Variants in DCAF7 observed in about 807,000 individuals in gnomAD.
DCAF7 encodes the protein DDB1 and CUL4 associated factor 7.
Under a neutral mutation model 41.2 loss-of-function variants are expected in DCAF7, and 4 were observed. The observed-to-expected ratio is 0.10, with a 90% CI of 0.05 to 0.22. The LOEUF (loss-of-function observed/expected upper bound fraction) is 0.22. DCAF7 is among the 10% of genes least tolerant of loss of function. DCAF7 has a pLI of 1.00. For missense variants in DCAF7, 131 were observed against 443.2 expected (o/e 0.30, Z 6.32); for synonymous variants, 143 against 164.2 (o/e 0.87, Z 0.99).
At chr17:63,580,525 T>TA in intron 4 of DCAF7, among the ~76,000 whole-genome samples, 1 of 143,138 alleles carries the variant, frequency 7.0e-6, no homozygotes, top group South Asian at 2.2e-4. Flanking sequence ...TTTTTTTTTT[T>TA]TTTTTTTTTT....
At chr17:63,582,224 A>G (rs947943065) in intron 4 of DCAF7, among the ~76,000 whole-genome samples, 1 of 152,104 alleles carries the variant, frequency 6.6e-6, no homozygotes, top group African/African-American at 2.4e-5. Context: ...AGACAAGCAT[A>G]ATTTCTTCAT....
At chr17:63,573,713 A>G (rs1363380055) in intron 1 of DCAF7, among the ~76,000 whole-genome samples, 2 of 151,542 alleles carry the variant, frequency 1.3e-5, no homozygotes, top group South Asian at 4.2e-4. Context: ...CTGGGTGACA[A>G]GAGTGAAAAT....
At chr17:63,556,146 T>G (rs2033308439) in intron 1 of DCAF7, among the ~76,000 whole-genome samples, 1 of 152,268 alleles carries the variant, frequency 6.6e-6, no homozygotes, top group South Asian at 2.1e-4. Context: ...TTTGTTTTAT[T>G]AACAATTGTG....
chr17:63,581,794 C>T (rs1295308623), intron 4 of DCAF7, among the ~76,000 whole-genome samples: 4 of 152,216 alleles, frequency 2.6e-5, no homozygotes, highest in Non-Finnish European at 5.9e-5. Context: ...GTAATAGCAC[C>T]TTTCTAGCAC....
chr17:63,578,766 T>C lies in DCAF7; in HGVS notation c.297+138T>C. 6 of 1,217,936 alleles carry C rather than the reference T, an allele frequency of 4.9e-6. No individual in the cohort carries two copies. In the South Asian group the frequency reaches 5.7e-5, roughly 12 times the overall value. 75.4% of individuals were successfully genotyped at this position (1,217,936 alleles called of 1,614,324 possible). A position where few individuals can be genotyped will look rare whatever the true frequency, so the allele number is the denominator to read the frequency against. ...ACAGGAGAAGCAAGCGAAGCTTAAA[T>C]GGACTGGCCTCGTTTGGCTCAGCAG... is the stretch of plus-strand genomic sequence containing the variant. On this transcript the variant is annotated intron_variant, in intron 2 of 6. Coordinates refer to ENST00000614556, the MANE Select transcript of DCAF7 (RefSeq NM_005828.5).
intron 1 of DCAF7, among the ~76,000 whole-genome samples, chr17:63,562,074 C>T (rs1416261151): frequency 2.6e-5 from 4 of 151,576 alleles, no homozygotes; most frequent in African/African-American, 9.7e-5. Context: ...AACACTTACC[C>T]TACCAGATTA....
intron 1 of DCAF7, among the ~76,000 whole-genome samples, chr17:63,553,268 T>A (rs1377957255): frequency 6.6e-6 from 1 of 152,112 alleles, no homozygotes; most frequent in Non-Finnish European, 1.5e-5. Flanking sequence ...AACTGTGCTG[T>A]GGTGGGAAAA....
At position 63,550,519 on chromosome 17, in the gene DCAF7, G is replaced by C; in HGVS notation, c.-159G>C. On this transcript the variant is annotated 5_prime_UTR_variant, in exon 1 of 7. Coordinates refer to ENST00000614556, the MANE Select transcript of DCAF7 (RefSeq NM_005828.5). The surrounding 1 kb of genome is among the most constrained non-coding windows in gnomAD (Gnocchi z 4.8). ...TGGTTTGAAACTAGGGGTCGGGCTC[G>C]GCCGTCGTCGTTGTTTGTCGCCGCA... is the stretch of plus-strand genomic sequence containing the variant. 1 of 1,192,624 alleles carries C rather than the reference G, an allele frequency of 8.4e-7. No homozygotes were observed. The highest frequency in any genetic ancestry group is 1.1e-6 in the Non-Finnish European group (1 of 885,056). The allele number at this position is 1,192,624 out of a possible 1,614,324, so 73.9% of individuals were successfully genotyped here. A position where few individuals can be genotyped will look rare whatever the true frequency, so the allele number is the denominator to read the frequency against.
chr17:63,564,359 T>G (rs1242492694), intron 1 of DCAF7, among the ~76,000 whole-genome samples: 1 of 152,164 alleles, frequency 6.6e-6, no homozygotes, highest in African/African-American at 2.4e-5. Context: ...AGGCTAGAAC[T>G]CTGGTATCTA....
Position 63,588,948 on chromosome 17 carries a change from C to T in DCAF7, c.857-52C>T, listed in dbSNP as rs2033706254. The T allele has an allele frequency of 1.6e-5, 24 of 1,548,312 alleles. No individual in the cohort carries two copies. The South Asian group carries it at 2.6e-4, about 17-fold the overall frequency. ...CTTGCTCCTGAAATGCAGGGATCATCATCCGCATTGCCTCACTTGTGACCT... is the reference window on the plus strand; with the variant it reads ...CTTGCTCCTGAAATGCAGGGATCATTATCCGCATTGCCTCACTTGTGACCT... On this transcript the variant is annotated intron_variant, in intron 6 of 6. Transcript: ENST00000614556.
At chr17:63,568,491 A>G (rs2033469618) in intron 1 of DCAF7, among the ~76,000 whole-genome samples, 1 of 152,338 alleles carries the variant, frequency 6.6e-6, no homozygotes, top group East Asian at 1.9e-4. Context: ...AAAAAACACA[A>G]TTACCTTTGC....
intron 1 of DCAF7, among the ~76,000 whole-genome samples, chr17:63,576,800 G>C (rs1040545820): frequency 6.6e-6 from 1 of 152,220 alleles, no homozygotes; most frequent in African/African-American, 2.4e-5. Flanking sequence ...TGTGGTCCCA[G>C]CTACTCAGGA....
At chr17:63,571,795 A>T (rs900796839) in intron 1 of DCAF7, among the ~76,000 whole-genome samples, 2 of 151,976 alleles carry the variant, frequency 1.3e-5, no homozygotes, top group African/African-American at 2.4e-5. Context: ...ACTTTGCTGA[A>T]ATCACATCAC....
In DCAF7 at chr17:63,590,550, G is replaced by A. The variant is rs988380660; in HGVS notation, c.*1378G>A. The stretch of plus-strand genomic sequence containing the variant: ...GCCTGCAGTTGTCTTTTGACTTGCA[G>A]GCCGCAGGTGTCTTTCTGTTATGTG... On this transcript the variant is annotated 3_prime_UTR_variant, in exon 7 of 7. Transcript: ENST00000614556. 2.0e-5 allele frequency: 3 copies of A among 152,706 alleles called. No homozygotes were observed. The highest frequency in any genetic ancestry group is 3.8e-4 in the East Asian group (2 of 5,202). 9.5% of individuals were successfully genotyped at this position (152,706 alleles called of 1,614,324 possible). A position where few individuals can be genotyped will look rare whatever the true frequency, so the allele number is the denominator to read the frequency against.
chr17:63,581,076 G>A (rs532336240), intron 4 of DCAF7, among the ~76,000 whole-genome samples: 1 of 152,250 alleles, frequency 6.6e-6, no homozygotes, highest in Admixed American at 6.5e-5. Flanking sequence ...TCTTAGTAAG[G>A]GGTTGTCTTT....
At chr17:63,575,342 T>G (rs1393892529) in intron 1 of DCAF7, among the ~76,000 whole-genome samples, 1 of 150,816 alleles carries the variant, frequency 6.6e-6, no homozygotes. Context: ...GAAAAAGAAA[T>G]AAAGAAATAA....
chr17:63,561,567 A>G (rs2033380855), intron 1 of DCAF7, among the ~76,000 whole-genome samples: 1 of 152,110 alleles, frequency 6.6e-6, no homozygotes, highest in African/African-American at 2.4e-5. Flanking sequence ...AAAATATAAA[A>G]AATAGCCAGA....
Position 63,590,088 on chromosome 17 carries a change from A to G in DCAF7, c.*916A>G, listed in dbSNP as rs1568107310. ...TGAACTTCAAGCATATTTCCAGTAC[A>G]TTCTTTCAGAGTCTGTTTTTCCATC... On this transcript the variant is annotated 3_prime_UTR_variant, in exon 7 of 7. Coordinates refer to ENST00000614556, the MANE Select transcript of DCAF7 (RefSeq NM_005828.5). 1 of 152,650 alleles carries G rather than the reference A, an allele frequency of 6.6e-6. No homozygotes were observed. Among genetic ancestry groups the G allele is most frequent in the Non-Finnish European group, 1.5e-5 (1 of 68,048 alleles). The allele number at this position is 152,650 out of a possible 1,614,324, so 9.5% of individuals were successfully genotyped here. A position where few individuals can be genotyped will look rare whatever the true frequency, so the allele number is the denominator to read the frequency against.
intron 4 of DCAF7, among the ~76,000 whole-genome samples, chr17:63,581,727 C>T (rs1456590708): frequency 2.0e-5 from 3 of 152,144 alleles, no homozygotes; most frequent in Non-Finnish European, 2.9e-5. Context: ...AGGCCTGGAC[C>T]GGCAGCCTTG....
Sources: allele counts gnomAD v4.1 joint callset (sites outside exome capture counted in the v4.1 genomes callset), GRCh38; gene constraint gnomAD v4.1.1; non-coding constraint Gnocchi (gnomAD v3.1); transcripts MANE v1.5; gene names NCBI Gene and HGNC (gene_info 2026-07-23, HGNC 2026-07-21).